DENND11: variants seen among roughly 807,000 people sequenced by gnomAD.
DENND11 encodes DENN domain containing 11, also known as DENN domain-containing protein 11.
Under a neutral mutation model 49.2 loss-of-function variants are expected in DENND11, and 34 were observed. The observed-to-expected ratio is 0.69, with a 90% CI of 0.53 to 0.92. DENND11 has a LOEUF of 0.92. DENND11 is among the 40% of genes least tolerant of loss of function. The pLI, the probability that DENND11 is intolerant of heterozygous loss-of-function variation, is 0.00. For synonymous variants in DENND11, 238 were observed against 230.3 expected, an observed-to-expected ratio of 1.03 and a Z score of -0.30; for missense variants, 475 against 581.6, an observed-to-expected ratio of 0.82 and a Z score of 1.88.
At chr7:141,699,046 G>T (rs556613933) in intron 1 of DENND11, among the ~76,000 whole-genome samples, 1 of 152,268 alleles carries the variant, frequency 6.6e-6, no homozygotes, top group South Asian at 2.1e-4. Context: ...TAAGCAGGCA[G>T]GCCAGCGAGA....
rs1173340372 is a variant in DENND11 at position 141,662,475 on chromosome 7, A to ATC, written c.*179_*180dup. On this transcript the variant is annotated 3_prime_UTR_variant, in exon 9 of 9. Coordinates refer to ENST00000536163, the MANE Select transcript of DENND11 (RefSeq NM_001080392.2). Reference sequence around the variant, plus strand: ...CATGGCAGGACACAAAACCAAGGTGATCTCACCTTATCTCTAGGGAAAAGG... The same window carrying ATC: ...CATGGCAGGACACAAAACCAAGGTGATCTCTCACCTTATCTCTAGGGAAAAGG... 3.7e-4 allele frequency: 170 copies of ATC among 460,888 alleles called. 1 individual carries two copies. In the East Asian group the frequency reaches 5.8e-3, roughly 16 times the overall value. 28.5% of individuals were successfully genotyped at this position (460,888 alleles called of 1,614,324 possible). A position where few individuals can be genotyped will look rare whatever the true frequency, so the allele number is the denominator to read the frequency against.
At chr7:141,681,504 T>G (rs1357886787) in intron 3 of DENND11, among the ~76,000 whole-genome samples, 5 of 152,076 alleles carry the variant, frequency 3.3e-5, no homozygotes, top group African/African-American at 4.8e-5. Context: ...AGATCAGATT[T>G]AGGGAATCAC....
At chr7:141,683,827 C>T (rs1443764273) in intron 3 of DENND11, among the ~76,000 whole-genome samples, 3 of 152,208 alleles carry the variant, frequency 2.0e-5, no homozygotes, top group Non-Finnish European at 4.4e-5. Flanking sequence ...AAGAATTGTA[C>T]AACCAGCTGA....
In DENND11 at chr7:141,665,377, C is replaced by T. The variant is rs113857655; in HGVS notation, c.821-59G>A. On this transcript the variant is annotated intron_variant, in intron 5 of 8. Coordinates refer to ENST00000536163, the MANE Select transcript of DENND11 (RefSeq NM_001080392.2). ...TGCCCCTCCACAGCCCTTCCTCCCT[C>T]GGAGCCTGCGGCTCAACACCTCTGC... The T allele has an allele frequency of 6.0e-4, 959 of 1,598,360 alleles. 6 individuals carry two copies. The African/African-American group carries it at 0.011, about 19-fold the overall frequency.
chr7:141,686,923 A>G (rs1798252782), intron 1 of DENND11, among the ~76,000 whole-genome samples: 3 of 152,132 alleles, frequency 2.0e-5, no homozygotes, highest in Admixed American at 2.0e-4. Context: ...TGCTTCTGTC[A>G]TTCTGCTCAA....
At chr7:141,673,951 G>A in intron 4 of DENND11, 116 bp downstream of exon 4, 1 of 1,264,500 alleles carries the variant, frequency 7.9e-7, no homozygotes, top group Non-Finnish European at 1.1e-6. Context: ...TCTATCAAAA[G>A]TAGACATTTT....
At chr7:141,676,287 A>C (rs1356305773) in intron 3 of DENND11, among the ~76,000 whole-genome samples, 3 of 152,090 alleles carry the variant, frequency 2.0e-5, no homozygotes, top group Non-Finnish European at 4.4e-5. Flanking sequence ...TAAAAAGAAT[A>C]CTGAGAATCA....
chr7:141,680,673 C>T (rs1798135877), intron 3 of DENND11, among the ~76,000 whole-genome samples: 1 of 151,526 alleles, frequency 6.6e-6, no homozygotes, highest in South Asian at 2.1e-4. Flanking sequence ...AAGTTGAACA[C>T]AGCACCTCTG....
At chr7:141,666,464 G>C (rs760819926) in intron 4 of DENND11, 39 bp from the exon 5 acceptor site, 1 of 1,507,690 alleles carries the variant, frequency 6.6e-7, no homozygotes, top group South Asian at 1.4e-5. Context: ...GAAAGAGTGA[G>C]GAACAGCTTC....
chr7:141,663,911 G>A (rs761080075), intron 8 of DENND11: 55 of 431,370 alleles, frequency 1.3e-4, no homozygotes, highest in African/African-American at 6.4e-4. Context: ...GGACATCCTC[G>A]ATGTAAAAGC....
chr7:141,664,898 C>A lies in DENND11; in HGVS notation c.1103+6G>T. 6.2e-7 allele frequency: 1 copy of A among 1,609,254 alleles called. No individual in the cohort carries two copies. Among genetic ancestry groups the A allele is most frequent in the Admixed American group, 1.7e-5 (1 of 59,536 alleles). On this transcript the variant is annotated splice_donor_region_variant and intron_variant, in intron 7 of 8. Transcript: ENST00000536163. Reference sequence around the variant, plus strand: ...AGCCCCTGGTTCTCCCCTTAGCTGCCACTACCTCTGCTCGTTGAGCCGGCG... The same window carrying A: ...AGCCCCTGGTTCTCCCCTTAGCTGCAACTACCTCTGCTCGTTGAGCCGGCG...
chr7:141,701,223 C>A (rs576439831), intron 1 of DENND11, among the ~76,000 whole-genome samples: 81 of 152,180 alleles, frequency 5.3e-4, no homozygotes, highest in African/African-American at 1.8e-3. Flanking sequence ...GGAGGCTTCT[C>A]CTTTAATCAG....
rs781529551 is a variant in DENND11 at position 141,664,958 on chromosome 7, A to G, written c.1049T>C (p.Leu350Pro). Residue 350 changes from leucine to proline, a missense_variant, in exon 7 of 9, where the codon CTG becomes CCG. Physicochemically the swap from Leu to Pro is moderately conservative, Grantham distance 98. Transcript: ENST00000536163. The part of the protein sequence containing the change: ...VKTHHDHLQP[L>P]LKINSADREK... The stretch of plus-strand genomic sequence containing the variant: ...CCTGTCAGCACTGTTGATCTTCAGC[A>G]GCGGCTGCAGGTGGTCGTGGTGTGT... 1 of 1,613,678 alleles carries G rather than the reference A, an allele frequency of 6.2e-7. No individual in the cohort carries two copies. The highest frequency in any genetic ancestry group is 8.5e-7 in the Non-Finnish European group (1 of 1,179,786).
At chr7:141,700,416 T>C (rs1284848476) in intron 1 of DENND11, among the ~76,000 whole-genome samples, 3 of 148,898 alleles carry the variant, frequency 2.0e-5, no homozygotes, top group African/African-American at 7.5e-5. Flanking sequence ...TGATGAACAC[T>C]TAAAAAAAAG....
chr7:141,661,300 C>T lies in DENND11; in HGVS notation c.*1356G>A, dbSNP rs972811695. ...AATTCTCAACTATGGCCAAAAAGGC[C>T]TAAACTCGACCCACAGGAACTGGCT... On this transcript the variant is annotated 3_prime_UTR_variant, in exon 9 of 9. Coordinates refer to ENST00000536163, the MANE Select transcript of DENND11 (RefSeq NM_001080392.2). The T allele has an allele frequency of 3.3e-5, 5 of 152,202 alleles. No individual in the cohort carries two copies. The highest frequency in any genetic ancestry group is 7.2e-5 in the African/African-American group (3 of 41,446). The allele number at this position is 152,202 out of a possible 1,614,324, so 9.4% of individuals were successfully genotyped here.
rs1017856175 is a variant in DENND11 at position 141,661,904 on chromosome 7, C to T, written c.*752G>A. 3.9e-5 allele frequency: 6 copies of T among 152,174 alleles called. No individual in the cohort carries two copies. The highest frequency in any genetic ancestry group is 1.4e-4 in the African/African-American group (6 of 41,430). 9.4% of individuals were successfully genotyped at this position (152,174 alleles called of 1,614,324 possible). On this transcript the variant is annotated 3_prime_UTR_variant, in exon 9 of 9. Coordinates refer to ENST00000536163, the MANE Select transcript of DENND11 (RefSeq NM_001080392.2). ...TTGCAAGCTCCAAGGCCAGCATTGGCCCTTAGCAATTCACCAATTCATCCC... is the reference window on the plus strand; with the variant it reads ...TTGCAAGCTCCAAGGCCAGCATTGGTCCTTAGCAATTCACCAATTCATCCC...
rs1259871949 is a variant in DENND11 at position 141,702,065 on chromosome 7, C to G, written c.89G>C (p.Gly30Ala). The G allele has an allele frequency of 4.0e-6, 4 of 989,022 alleles. No individual in the cohort carries two copies. The highest frequency in any genetic ancestry group is 4.8e-6 in the Non-Finnish European group (4 of 833,876). 61.3% of individuals were successfully genotyped at this position (989,022 alleles called of 1,614,324 possible). ...CCCGCCGCCGCCCCGGCCCCAGCCT[C>G]CCGCCTGCGGCTGCGGGGCCTGCGG... ...SLPQAPQPQA[G>A]GWGRGGGGGA... The change falls in exon 1 of 9, where the codon GGA becomes GCA. Residue 30 changes from glycine to alanine, a missense_variant. Physicochemically the swap from Gly to Ala is moderately conservative, Grantham distance 60. Transcript: ENST00000536163.
chr7:141,669,013 G>A (rs1711915420), intron 4 of DENND11, among the ~76,000 whole-genome samples: 1 of 152,062 alleles, frequency 6.6e-6, no homozygotes, highest in Admixed American at 6.5e-5. Flanking sequence ...TCCATAGCAG[G>A]CTCTGATAGA....
Position 141,677,449 on chromosome 7 carries a change from GTATT to G in DENND11, c.528-3233_528-3230del, listed in dbSNP as rs1350069331. Among the ~76,000 whole-genome samples the G allele has an allele frequency of 4.3e-5, 6 of 139,438 alleles. No homozygotes were observed. The East Asian group carries it at 1.3e-3, about 29-fold the overall frequency. The allele number at this position is 139,438 out of a possible 152,430, so 91.5% of individuals were successfully genotyped here. A position where few individuals can be genotyped will look rare whatever the true frequency, so the allele number is the denominator to read the frequency against. ...CACATATATATGTGTGTGTGTGTGTGTATTTACATATGTGTATATATATTTATAT... is the reference window on the plus strand; with the variant it reads ...CACATATATATGTGTGTGTGTGTGTGTACATATGTGTATATATATTTATAT... On this transcript the variant is annotated intron_variant, in intron 3 of 8. Coordinates refer to ENST00000536163, the MANE Select transcript of DENND11 (RefSeq NM_001080392.2).
Sources: gnomAD v4.1 joint callset for allele counts (sites outside exome capture counted in the v4.1 genomes callset) on GRCh38, gnomAD v4.1.1 for gene constraint, MANE v1.5 for transcripts, NCBI Gene and HGNC (gene_info 2026-07-23, HGNC 2026-07-21) for gene names.